The following EPHA10 variants were observed in gnomAD, a reference collection of about 807,000 sequenced individuals.
The protein encoded by EPHA10 is EPH receptor A10.
A neutral mutation model predicts 109.7 loss-of-function variants in EPHA10; 120 were observed. That is an observed-to-expected ratio of 1.09 (90% CI 0.94 to 1.27). The LOEUF (loss-of-function observed/expected upper bound fraction) is 1.27, where lower values mean the gene tolerates loss of function less well. Among genes scored for constraint, EPHA10 ranks in the 50% most tolerant of loss-of-function variants. The probability of loss-of-function intolerance (pLI) is 0.00; values close to 1 mark genes in which losing one functional copy is unlikely to be tolerated. For synonymous variants in EPHA10, 640 were observed against 618.9 expected, an observed-to-expected ratio of 1.03 and a Z score of -0.51; for missense variants, 1,396 against 1,411.1, an observed-to-expected ratio of 0.99 and a Z score of 0.17.
At chr1:37,736,740 C>A (rs1313429863) in intron 5 of EPHA10, among the ~76,000 whole-genome samples, 3 of 151,954 alleles carry the variant, frequency 2.0e-5, no homozygotes, top group African/African-American at 7.2e-5. Context: ...AATTAATAAA[C>A]AAAATACAGC....
chr1:37,733,306 C>T (rs943736177), intron 6 of EPHA10, among the ~76,000 whole-genome samples: 4 of 151,994 alleles, frequency 2.6e-5, no homozygotes, highest in Admixed American at 6.6e-5. Flanking sequence ...ACTGCAGCCT[C>T]GACTTCCCGG....
intron 13 of EPHA10, 134 bp from the exon 14 acceptor site, chr1:37,720,192 G>C (rs907434343): frequency 7.0e-7 from 1 of 1,418,952 alleles, no homozygotes; most frequent in Non-Finnish European, 9.5e-7. Context: ...ATCTGGGAAA[G>C]ACAGAAAAGC....
At chr1:37,732,342 G>T (rs1267097037) in intron 6 of EPHA10, among the ~76,000 whole-genome samples, 1 of 151,796 alleles carries the variant, frequency 6.6e-6, no homozygotes, top group Non-Finnish European at 1.5e-5. Context: ...GCTGCCCCCC[G>T]CTCCACCCCA....
chr1:37,730,662 T>C (rs1294705827), intron 7 of EPHA10, among the ~76,000 whole-genome samples: 1 of 152,150 alleles, frequency 6.6e-6, no homozygotes, highest in Non-Finnish European at 1.5e-5. Flanking sequence ...ATCGTTCGCA[T>C]ACCATGTGAT....
At chr1:37,750,920 T>C (rs1007335421) in intron 5 of EPHA10, among the ~76,000 whole-genome samples, 1 of 152,008 alleles carries the variant, frequency 6.6e-6, no homozygotes, top group Non-Finnish European at 1.5e-5. Context: ...AAATCCATAT[T>C]GGTAGCCGGG....
At chr1:37,731,711 A>C in intron 6 of EPHA10, 129 bp from the exon 7 acceptor site, 1 of 963,992 alleles carries the variant, frequency 1.0e-6, no homozygotes, top group Non-Finnish European at 1.5e-6. Context: ...CGAAAACCCA[A>C]CCTCAATCAT....
At position 37,764,148 on chromosome 1, in the gene EPHA10, G is replaced by C. The variant is rs910444896; in HGVS notation, c.106+813C>G. Among the ~76,000 whole-genome samples, 2 of 152,200 alleles carry C rather than the reference G, an allele frequency of 1.3e-5. No individual in the cohort carries two copies. Among genetic ancestry groups the C allele is most frequent in the African/African-American group, 4.8e-5 (2 of 41,464 alleles). ...TTAAACCAGGGGGTGGGCCACCAAGGTGAGGGCCTCTCCAGAGGCGTCAGC... is the reference window on the plus strand; with the variant it reads ...TTAAACCAGGGGGTGGGCCACCAAGCTGAGGGCCTCTCCAGAGGCGTCAGC... On this transcript the variant is annotated intron_variant, in intron 1 of 16. Transcript: ENST00000373048. The surrounding 1 kb of genome is among the most constrained non-coding windows in gnomAD (Gnocchi z 5.8).
At chr1:37,760,200 C>T in intron 3 of EPHA10, 1 of 875,640 alleles carries the variant, frequency 1.1e-6, no homozygotes, top group African/African-American at 1.8e-5. Context: ...TCCATCTAGA[C>T]TGTGAGCTTC....
intron 6 of EPHA10, among the ~76,000 whole-genome samples, chr1:37,733,998 C>T (rs944356719): frequency 6.6e-6 from 1 of 152,134 alleles, no homozygotes. Context: ...CTCTGGGTTA[C>T]CCAGGTCAGA....
At chr1:37,731,360 G>A (rs373430816) in intron 7 of EPHA10, 51 bp downstream of exon 7, 15 of 1,505,048 alleles carry the variant, frequency 1.0e-5, no homozygotes, top group African/African-American at 5.6e-5. Context: ...CCTCAGCCCC[G>A]TGCAGGGTTC....
chr1:37,752,931 C>T lies in EPHA10; in HGVS notation c.1302G>A (p.Pro434=), dbSNP rs1442293929. 3 of 1,309,082 alleles carry T rather than the reference C, an allele frequency of 2.3e-6. No individual in the cohort carries two copies. Among genetic ancestry groups the T allele is most frequent in the Non-Finnish European group, 1.9e-6 (2 of 1,031,594 alleles). The allele number at this position is 1,309,082 out of a possible 1,614,324, so 81.1% of individuals were successfully genotyped here. Residue 434 remains proline, a synonymous_variant, in exon 5 of 17, where the codon CCG becomes CCA. Transcript: ENST00000373048. The part of the protein sequence containing the change: ...RVAALNGVSG[P]AAAAGTTYAQ... ...CGTAGGTGGTTCCCGCGGCGGCCGC[C>T]GGGCCCGAGACGCCGTTGAGCGCGG...
At chr1:37,751,218 G>GAAAAAAA (rs1216876477) in intron 5 of EPHA10, among the ~76,000 whole-genome samples, 1 of 96,284 alleles carries the variant, frequency 1.0e-5, no homozygotes, top group South Asian at 3.4e-4. Context: ...AAAAAAAAAA[G>GAAAAAAA]AAAGAAAGAA....
intron 6 of EPHA10, among the ~76,000 whole-genome samples, chr1:37,733,238 T>C (rs1646018447): frequency 6.6e-6 from 1 of 152,020 alleles, no homozygotes; most frequent in African/African-American, 2.4e-5. Context: ...GTGGGTTTTT[T>C]TGAGACAGGG....
intron 4 of EPHA10, 77 bp from the exon 5 acceptor site, chr1:37,753,303 G>A (rs1162942789): frequency 4.5e-6 from 4 of 896,050 alleles, no homozygotes; most frequent in East Asian, 3.6e-5. Context: ...CGAGGGGGGG[G>A]CGGGGTCTTG....
At chr1:37,738,715 C>T (rs1439768403) in intron 5 of EPHA10, among the ~76,000 whole-genome samples, 1 of 152,114 alleles carries the variant, frequency 6.6e-6, no homozygotes, top group Non-Finnish European at 1.5e-5. Flanking sequence ...ATGTTCATTG[C>T]AGCATTATTC....
rs1252747634 is a variant in EPHA10, at chr1:37,753,198, C to T, written c.1035G>A (p.Gln345=). The change falls in exon 5 of 17, where the codon CAG becomes CAA. Residue 345 remains glutamine, a synonymous_variant. Transcript: ENST00000373048. ...TRPPSAPRDL[Q]YSLSRSPLVL... ...CCAGCGGCGAGCGGCTCAGGCTGTACTGCAGGTCCCGCGGCGCCGACGGCG... is the reference window on the plus strand; with the variant it reads ...CCAGCGGCGAGCGGCTCAGGCTGTATTGCAGGTCCCGCGGCGCCGACGGCG... 5.2e-6 allele frequency: 7 copies of T among 1,348,522 alleles called. No individual in the cohort carries two copies. The highest frequency in any genetic ancestry group is 5.7e-6 in the Non-Finnish European group (6 of 1,054,184). The allele number at this position is 1,348,522 out of a possible 1,614,324, so 83.5% of individuals were successfully genotyped here. A position where few individuals can be genotyped will look rare whatever the true frequency, so the allele number is the denominator to read the frequency against.
chr1:37,753,461 A>T (rs1394817289), intron 4 of EPHA10, among the ~76,000 whole-genome samples: 2 of 148,190 alleles, frequency 1.3e-5, no homozygotes, highest in Non-Finnish European at 3.0e-5. Context: ...GGAAGGTAGA[A>T]GGGACGACCG....
intron 5 of EPHA10, among the ~76,000 whole-genome samples, chr1:37,739,503 A>C (rs1001755036): frequency 2.0e-5 from 3 of 152,136 alleles, no homozygotes; most frequent in African/African-American, 7.2e-5. Context: ...AGCCTGGCTA[A>C]TGTAGTGAAA....
chr1:37,764,166 G>A lies in EPHA10; in HGVS notation c.106+795C>T, dbSNP rs1161581173. On this transcript the variant is annotated intron_variant, in intron 1 of 16. Transcript: ENST00000373048. This position sits in a 1 kb window ranked among gnomAD's most constrained non-coding sequence, Gnocchi z 5.8. ...CACCAAGGTGAGGGCCTCTCCAGAG[G>A]CGTCAGCGACTGTGGGCAGGACCGC... Among the ~76,000 whole-genome samples, 1 of 152,184 alleles carries A rather than the reference G, an allele frequency of 6.6e-6. No homozygotes were observed. Among genetic ancestry groups the A allele is most frequent in the African/African-American group, 2.4e-5 (1 of 41,442 alleles).
Sources: allele counts gnomAD v4.1 joint callset (sites outside exome capture counted in the v4.1 genomes callset), GRCh38; gene constraint gnomAD v4.1.1; non-coding constraint Gnocchi (gnomAD v3.1); transcripts MANE v1.5; gene names NCBI Gene and HGNC (gene_info 2026-07-23, HGNC 2026-07-21).